KLF12: variants seen among roughly 807,000 people sequenced by gnomAD.
KLF12 encodes KLF transcription factor 12.
A neutral mutation model predicts 37.8 loss-of-function variants in KLF12; 9 were observed. The ratio of observed to expected loss-of-function variants is 0.24; its 90% CI spans 0.14 to 0.42. The LOEUF is 0.42. Among genes scored for constraint, KLF12 ranks in the 10% least tolerant of loss-of-function variants. The pLI is 1.00. For synonymous variants in KLF12, 208 were observed against 202.1 expected (o/e 1.03, Z -0.25); for missense variants, 411 against 516.0 (o/e 0.80, Z 1.97).
the KLF12 span, among the ~76,000 whole-genome samples, chr13:74,267,220 C>G: frequency 5.3e-5 from 8 of 152,256 alleles, no homozygotes; most frequent in East Asian, 1.5e-3. Flanking sequence ...GAGAAAGAGT[C>G]TTTACAGGTC....
chr13:74,076,823 T>C (rs181423851), intron 1 of KLF12, among the ~76,000 whole-genome samples: 1 of 152,100 alleles, frequency 6.6e-6, no homozygotes, highest in South Asian at 2.1e-4. Context: ...TCGACCCCAG[T>C]GTCTGTTGTT....
At chr13:74,269,279 G>T in the KLF12 span, among the ~76,000 whole-genome samples, 1 of 151,988 alleles carries the variant, frequency 6.6e-6, no homozygotes, top group Non-Finnish European at 1.5e-5. Flanking sequence ...TATTTTACTT[G>T]CTCTGTCTCT....
chr13:74,110,980 C>A (rs1005847312), intron 1 of KLF12, among the ~76,000 whole-genome samples: 9 of 151,836 alleles, frequency 5.9e-5, no homozygotes, highest in Non-Finnish European at 1.2e-4. Context: ...TGGTGAAACC[C>A]CGTCTCCACT....
chr13:73,742,072 G>A (rs141114738), intron 6 of KLF12, among the ~76,000 whole-genome samples: 2 of 152,252 alleles, frequency 1.3e-5, no homozygotes, highest in African/African-American at 2.4e-5. Flanking sequence ...ACCTGCTGAG[G>A]AGTCTCTTGT....
chr13:73,974,570 TTAA>T (rs1400429269), intron 2 of KLF12, among the ~76,000 whole-genome samples: 2 of 152,128 alleles, frequency 1.3e-5, no homozygotes, highest in Non-Finnish European at 2.9e-5. Context: ...AATAAACTCT[TTAA>T]TAATAAAATC....
chr13:74,154,345 T>A, the KLF12 span, among the ~76,000 whole-genome samples: 73,372 of 152,088 alleles, frequency 0.48, 18,658 homozygotes, highest in East Asian at 0.79. Flanking sequence ...TTTATCCCAT[T>A]ATAAGTATTT....
Position 73,962,823 on chromosome 13 carries a change from T to C in KLF12, c.34-18753A>G, listed in dbSNP as rs577086110. 2.0e-5 allele frequency among the ~76,000 whole-genome samples: 3 copies of C among 152,330 alleles called. No individual in the cohort carries two copies. In the South Asian group the frequency reaches 6.2e-4, roughly 32 times the overall value. On this transcript the variant is annotated intron_variant, in intron 2 of 7. Transcript: ENST00000377669. ...CTTCAGGGGTACTATAATTAATATT[T>C]AGACATATGTAAAAACACTAGTGCC...
rs79500918 is a variant in KLF12 at position 73,761,587 on chromosome 13, A to T, written c.869+3351T>A. Among the ~76,000 whole-genome samples the T allele has an allele frequency of 8.1e-3, 1,227 of 152,254 alleles. 5 individuals carry two copies. The highest frequency in any genetic ancestry group is 0.012 in the Non-Finnish European group (817 of 68,008). On this transcript the variant is annotated intron_variant, in intron 6 of 7. Transcript: ENST00000377669. ...TTTCCTCTGTCTTTTTCACTTCTCT[A>T]AAAAACTGTCTTTTTGTTGTTGTTG... is the stretch of plus-strand genomic sequence containing the variant.
At chr13:73,821,304 A>T (rs1180960959) in intron 4 of KLF12, among the ~76,000 whole-genome samples, 2 of 152,196 alleles carry the variant, frequency 1.3e-5, no homozygotes, top group African/African-American at 2.4e-5. Flanking sequence ...GAAGGGATGA[A>T]TACCAAATCA....
At chr13:73,817,973 A>G (rs1013376526) in intron 4 of KLF12, among the ~76,000 whole-genome samples, 4 of 152,244 alleles carry the variant, frequency 2.6e-5, no homozygotes, top group African/African-American at 9.6e-5. Context: ...TTTTAGTGAC[A>G]TAAAAGCTAC....
At chr13:74,157,856 G>A in the KLF12 span, among the ~76,000 whole-genome samples, 1 of 152,138 alleles carries the variant, frequency 6.6e-6, no homozygotes, top group Non-Finnish European at 1.5e-5. Context: ...TAGACATCCT[G>A]CTGCTCCCAT....
chr13:74,071,434 C>G (rs1874229844), intron 1 of KLF12, among the ~76,000 whole-genome samples: 1 of 152,090 alleles, frequency 6.6e-6, no homozygotes, highest in Non-Finnish European at 1.5e-5. Flanking sequence ...CACCTGTCAT[C>G]CCAGCACTTT....
chr13:73,918,098 T>TAC (rs1228223384), intron 3 of KLF12, among the ~76,000 whole-genome samples: 4 of 151,594 alleles, frequency 2.6e-5, no homozygotes, highest in Non-Finnish European at 5.9e-5. Flanking sequence ...ACACACCATA[T>TAC]ACACACACAC....
chr13:74,203,501 T>C, the KLF12 span, among the ~76,000 whole-genome samples: 154 of 152,216 alleles, frequency 1.0e-3, no homozygotes, highest in African/African-American at 3.7e-3. Context: ...TGATTCTTAA[T>C]GGAATCTAAG....
At chr13:74,255,887 G>A in the KLF12 span, among the ~76,000 whole-genome samples, 1 of 152,144 alleles carries the variant, frequency 6.6e-6, no homozygotes, top group East Asian at 1.9e-4. Context: ...CGGGCACGGT[G>A]GCTCACGCCT....
the KLF12 span, among the ~76,000 whole-genome samples, chr13:74,176,847 T>TC: frequency 6.6e-6 from 1 of 152,300 alleles, no homozygotes; most frequent in South Asian, 2.1e-4. Flanking sequence ...TATCAATCTG[T>TC]CTGCTTTGTG....
upstream of KLF12, among the ~76,000 whole-genome samples, chr13:74,135,704 CCCCGG>C (rs1312633411): frequency 1.3e-5 from 2 of 152,030 alleles, no homozygotes; most frequent in Non-Finnish European, 2.9e-5. Flanking sequence ...TGCCCCGCGC[CCCCGG>C]CCCGGCCCGC....
chr13:73,885,099 G>A (rs780903678), intron 3 of KLF12, among the ~76,000 whole-genome samples: 28 of 152,254 alleles, frequency 1.8e-4, no homozygotes, highest in African/African-American at 4.6e-4. Context: ...ATGTCAATAC[G>A]TCATTCACTA....
At chr13:74,180,201 GT>G in the KLF12 span, among the ~76,000 whole-genome samples, 1,656 of 152,306 alleles carry the variant, frequency 0.011, 37 homozygotes, top group African/African-American at 0.038. Context: ...TAGGTGTTTA[GT>G]GTTCTTGATT....
Sources: gnomAD v4.1 joint callset for allele counts (sites outside exome capture counted in the v4.1 genomes callset) on GRCh38, gnomAD v4.1.1 for gene constraint, MANE v1.5 for transcripts, NCBI Gene and HGNC (gene_info 2026-07-23, HGNC 2026-07-21) for gene names.